Variants in DLG2 observed in about 807,000 individuals in gnomAD.
The protein encoded by DLG2 is discs large MAGUK scaffold protein 2, also known as disks large homolog 2.
A neutral mutation model predicts 132.5 loss-of-function variants in DLG2; 45 were observed. That is an observed-to-expected ratio of 0.34 (90% CI 0.27 to 0.44). DLG2 has a LOEUF of 0.44. DLG2 is among the 20% of genes least tolerant of loss of function. The pLI is 1.00. For missense variants in DLG2, 1,045 were observed against 1,196.9 expected, an observed-to-expected ratio of 0.87 and a Z score of 1.87; for synonymous variants, 424 against 419.6, an observed-to-expected ratio of 1.01 and a Z score of -0.13.
At chr11:84,934,525 G>GT (rs757894179) in intron 6 of DLG2, among the ~76,000 whole-genome samples, 1,092 of 38,618 alleles carry the variant, frequency 0.028, 50 homozygotes, top group South Asian at 0.059. Context: ...GTTTTGTTTT[G>GT]TTTTTTTTTT....
At chr11:84,523,699 T>A (rs2099311446) in intron 7 of DLG2, among the ~76,000 whole-genome samples, 1 of 152,222 alleles carries the variant, frequency 6.6e-6, no homozygotes, top group Non-Finnish European at 1.5e-5. Context: ...CTGTGAGTGT[T>A]AGTACATTAT....
At chr11:85,026,633 C>T (rs554051836) in intron 6 of DLG2, among the ~76,000 whole-genome samples, 1 of 151,998 alleles carries the variant, frequency 6.6e-6, no homozygotes, top group African/African-American at 2.4e-5. Context: ...GTCAGGAGAT[C>T]GAGACCATCC....
chr11:83,636,691 GT>G (rs1429486131), intron 18 of DLG2, among the ~76,000 whole-genome samples: 1 of 152,004 alleles, frequency 6.6e-6, no homozygotes, highest in Non-Finnish European at 1.5e-5. Context: ...CTCATTTTTT[GT>G]AACACAATAG....
chr11:83,711,458 C>T (rs2085395136), intron 18 of DLG2, among the ~76,000 whole-genome samples: 1 of 152,250 alleles, frequency 6.6e-6, no homozygotes, highest in African/African-American at 2.4e-5. Flanking sequence ...ATTGGACTGT[C>T]GTCATAGGGC....
At chr11:84,160,494 AT>A (rs66616597) in intron 9 of DLG2, among the ~76,000 whole-genome samples, 1 of 148,752 alleles carries the variant, frequency 6.7e-6, no homozygotes, top group Non-Finnish European at 1.5e-5. Context: ...ACAGGTTAAA[AT>A]TTAAAAAATG....
intron 14 of DLG2, among the ~76,000 whole-genome samples, chr11:83,952,944 G>GGTAGCCA (rs1448384203): frequency 6.6e-6 from 1 of 151,732 alleles, no homozygotes; most frequent in African/African-American, 2.4e-5. Context: ...AGGGCTATAA[G>GGTAGCCA]GTAGATCAGT....
At chr11:85,456,564 G>C in intron 3 of DLG2, among the ~76,000 whole-genome samples, 1 of 152,080 alleles carries the variant, frequency 6.6e-6, no homozygotes, top group Non-Finnish European at 1.5e-5. Flanking sequence ...ATGTTAGGTT[G>C]TTAATTTTAG....
chr11:85,034,395 C>T (rs993593524), intron 6 of DLG2, among the ~76,000 whole-genome samples: 6 of 152,020 alleles, frequency 3.9e-5, no homozygotes, highest in East Asian at 1.9e-4. Flanking sequence ...TGGTTGTAGG[C>T]GTAGAGCTGG....
At chr11:84,829,123 A>G (rs1219189576) in intron 6 of DLG2, among the ~76,000 whole-genome samples, 1 of 151,654 alleles carries the variant, frequency 6.6e-6, no homozygotes, top group Non-Finnish European at 1.5e-5. Context: ...AAAAATAATG[A>G]TATATAATCT....
chr11:84,306,792 C>T (rs1206235716), intron 7 of DLG2, among the ~76,000 whole-genome samples: 1 of 152,172 alleles, frequency 6.6e-6, no homozygotes, highest in African/African-American at 2.4e-5. Context: ...CTCTGCTCTT[C>T]TGAAGTGCTT....
chr11:84,107,896 G>C (rs1024760607), intron 9 of DLG2, among the ~76,000 whole-genome samples: 1 of 152,128 alleles, frequency 6.6e-6, no homozygotes, highest in African/African-American at 2.4e-5. Context: ...GAGACACTTA[G>C]GGATCAGCTG....
intron 7 of DLG2, among the ~76,000 whole-genome samples, chr11:84,521,185 C>A (rs956001137): frequency 5.6e-4 from 85 of 152,284 alleles, no homozygotes; most frequent in African/African-American, 2.0e-3. Flanking sequence ...AGAGGTTGGT[C>A]TAGCGTCAAC....
intron 18 of DLG2, among the ~76,000 whole-genome samples, chr11:83,753,221 G>C (rs1274900893): frequency 6.6e-6 from 1 of 152,102 alleles, no homozygotes; most frequent in Non-Finnish European, 1.5e-5. Flanking sequence ...TTAGGAGTTT[G>C]AGACCAGCCT....
intron 3 of DLG2, among the ~76,000 whole-genome samples, chr11:85,433,883 T>C (rs961380203): frequency 1.3e-5 from 2 of 152,202 alleles, no homozygotes; most frequent in Non-Finnish European, 2.9e-5. Context: ...CAGTGCCACA[T>C]GGCATTTACT....
chr11:85,243,082 C>T (rs2075969268), intron 4 of DLG2, among the ~76,000 whole-genome samples: 1 of 152,002 alleles, frequency 6.6e-6, no homozygotes, highest in Non-Finnish European at 1.5e-5. Context: ...TTTTACCGCT[C>T]ATAGCCTAAT....
At chr11:84,386,531 G>T (rs1264379642) in intron 7 of DLG2, among the ~76,000 whole-genome samples, 1 of 151,932 alleles carries the variant, frequency 6.6e-6, no homozygotes, top group Non-Finnish European at 1.5e-5. Context: ...ATAATTTTAA[G>T]ATTGTTGATA....
chr11:85,509,523 C>T (rs756328590), intron 3 of DLG2, among the ~76,000 whole-genome samples: 3 of 152,042 alleles, frequency 2.0e-5, no homozygotes, highest in Non-Finnish European at 4.4e-5. Flanking sequence ...AATCTAAGGA[C>T]AGGATATGTA....
intron 6 of DLG2, among the ~76,000 whole-genome samples, chr11:84,598,778 A>T (rs922819219): frequency 1.4e-5 from 2 of 144,618 alleles, no homozygotes; most frequent in Admixed American, 6.9e-5. Flanking sequence ...GAAAAACATT[A>T]AAAAAAAAAA....
chr11:84,343,264 C>A (rs1287739421), intron 7 of DLG2, among the ~76,000 whole-genome samples: 1 of 151,968 alleles, frequency 6.6e-6, no homozygotes, highest in Non-Finnish European at 1.5e-5. Context: ...TTGCCCAGGG[C>A]CAACATGTAA....
Sources: allele counts gnomAD v4.1 joint callset (sites outside exome capture counted in the v4.1 genomes callset), GRCh38; gene constraint gnomAD v4.1.1; transcripts MANE v1.5; gene names NCBI Gene and HGNC (gene_info 2026-07-23, HGNC 2026-07-21).